The following PHLDB2 variants were observed in gnomAD, a reference collection of about 807,000 sequenced individuals.
The protein encoded by PHLDB2 is pleckstrin homology like domain family B member 2.
Under a neutral mutation model 123.6 loss-of-function variants are expected in PHLDB2, and 71 were observed. The observed-to-expected ratio is 0.57, with a 90% CI of 0.47 to 0.70. The LOEUF (loss-of-function observed/expected upper bound fraction) is 0.70. Among genes scored for constraint, PHLDB2 ranks in the 30% least tolerant of loss-of-function variants. PHLDB2 has a pLI of 0.00. For missense variants in PHLDB2, 1,446 were observed against 1,519.5 expected (o/e 0.95, Z 0.80); for synonymous variants, 547 against 541.6 (o/e 1.01, Z -0.14).
chr3:111,765,561 A>C (rs547131142), intron 1 of PHLDB2, among the ~76,000 whole-genome samples: 2 of 152,354 alleles, frequency 1.3e-5, no homozygotes, highest in African/African-American at 4.8e-5. Flanking sequence ...TAGCTGACTT[A>C]AAACGGAGAG....
intron 1 of PHLDB2, chr3:111,732,799 C>A: frequency 1.9e-6 from 2 of 1,073,550 alleles, no homozygotes; most frequent in Middle Eastern, 2.2e-4. Context: ...GGAGGGTCTG[C>A]TGGAGATATG....
intron 2 of PHLDB2, among the ~76,000 whole-genome samples, chr3:111,900,530 GAACAAGTAC>G (rs1460118123): frequency 6.6e-6 from 1 of 152,206 alleles, no homozygotes; most frequent in Non-Finnish European, 1.5e-5. Flanking sequence ...GGAGCGGTTA[GAACAAGTAC>G]AACATTTATT....
At chr3:111,927,477 C>T (rs1234764218) in intron 5 of PHLDB2, among the ~76,000 whole-genome samples, 1 of 152,166 alleles carries the variant, frequency 6.6e-6, no homozygotes, top group African/African-American at 2.4e-5. Flanking sequence ...ATGTGGCCCG[C>T]GTGCCTAGAG....
chr3:111,935,714 AG>A (rs1194632281), intron 6 of PHLDB2, among the ~76,000 whole-genome samples: 3 of 152,160 alleles, frequency 2.0e-5, no homozygotes, highest in Admixed American at 2.0e-4. Flanking sequence ...TTGGGAGGCT[AG>A]GCCAGTCTAG....
At chr3:111,878,599 G>T (rs1302733310) in intron 1 of PHLDB2, among the ~76,000 whole-genome samples, 1 of 152,208 alleles carries the variant, frequency 6.6e-6, no homozygotes, top group Admixed American at 6.5e-5. Flanking sequence ...TTGAATAGGA[G>T]TGGTGAGAGA....
At chr3:111,801,113 C>A (rs745878372) in intron 1 of PHLDB2, among the ~76,000 whole-genome samples, 18 of 152,166 alleles carry the variant, frequency 1.2e-4, no homozygotes, top group Non-Finnish European at 2.2e-4. Flanking sequence ...ACAGAGTAGA[C>A]ACTTAATAAA....
intron 1 of PHLDB2, among the ~76,000 whole-genome samples, chr3:111,840,324 A>G (rs1553226): frequency 0.98 from 149,151 of 152,154 alleles, 73,176 homozygotes; most frequent in East Asian, 1. Context: ...GATAATATAC[A>G]ATTAATCTTC....
chr3:111,775,219 G>A (rs761189343), intron 1 of PHLDB2, among the ~76,000 whole-genome samples: 47 of 152,086 alleles, frequency 3.1e-4, no homozygotes, highest in Non-Finnish European at 5.0e-4. Context: ...AAAGAGCAGA[G>A]AGATCAAAAA....
intron 2 of PHLDB2, among the ~76,000 whole-genome samples, chr3:111,900,734 G>T (rs1000021267): frequency 5.3e-5 from 8 of 152,182 alleles, no homozygotes; most frequent in Non-Finnish European, 1.5e-5. Flanking sequence ...TTGGAAAAAT[G>T]TGCTAATAGA....
chr3:111,925,964 G>T (rs1430641707), intron 5 of PHLDB2, among the ~76,000 whole-genome samples: 2 of 152,338 alleles, frequency 1.3e-5, no homozygotes, highest in East Asian at 3.9e-4. Context: ...GTTAAGAAAA[G>T]CTTCTGATTC....
chr3:111,944,432 A>G (rs143523560), intron 8 of PHLDB2, among the ~76,000 whole-genome samples: 50 of 152,250 alleles, frequency 3.3e-4, no homozygotes, highest in African/African-American at 1.1e-3. Context: ...TACAAATTAT[A>G]GCACAATAAA....
chr3:111,744,473 A>G (rs1482619711), intron 1 of PHLDB2, among the ~76,000 whole-genome samples: 1 of 152,266 alleles, frequency 6.6e-6, no homozygotes, highest in African/African-American at 2.4e-5. Flanking sequence ...AGCGCAGTGC[A>G]TAAAAAGTTT....
chr3:111,966,166 G>A (rs1297793820), intron 13 of PHLDB2, among the ~76,000 whole-genome samples: 1 of 152,074 alleles, frequency 6.6e-6, no homozygotes, highest in Non-Finnish European at 1.5e-5. Context: ...CAAACATTAG[G>A]TGTCATTTAT....
intron 2 of PHLDB2, among the ~76,000 whole-genome samples, chr3:111,897,660 G>A (rs2066952496): frequency 1.3e-5 from 2 of 152,208 alleles, no homozygotes; most frequent in Admixed American, 1.3e-4. Context: ...AGAATTAAGA[G>A]GAACAAATTT....
intron 2 of PHLDB2, among the ~76,000 whole-genome samples, chr3:111,904,220 A>G (rs1279894490): frequency 2.2e-5 from 3 of 134,422 alleles, no homozygotes; most frequent in Admixed American, 1.8e-4. Flanking sequence ...GGGGGTTGCA[A>G]TGAGCCAAGA....
chr3:111,907,770 G>C (rs1249189959), intron 2 of PHLDB2, among the ~76,000 whole-genome samples: 4 of 152,032 alleles, frequency 2.6e-5, no homozygotes, highest in Admixed American at 6.6e-5. Context: ...GGGATTACAG[G>C]TGTGAGCCAC....
chr3:111,890,684 T>G (rs1015782677), intron 2 of PHLDB2, among the ~76,000 whole-genome samples: 1 of 152,118 alleles, frequency 6.6e-6, no homozygotes, highest in African/African-American at 2.4e-5. Flanking sequence ...TGTTCAATCT[T>G]TATTTGAAAA....
intron 9 of PHLDB2, among the ~76,000 whole-genome samples, chr3:111,948,485 G>A (rs1015231292): frequency 6.6e-5 from 10 of 152,132 alleles, no homozygotes; most frequent in African/African-American, 2.4e-4. Flanking sequence ...AACAGAAACG[G>A]TGAAAATCTA....
At chr3:111,929,619 T>C (rs1212531595) in intron 5 of PHLDB2, among the ~76,000 whole-genome samples, 1 of 152,230 alleles carries the variant, frequency 6.6e-6, no homozygotes, top group Admixed American at 6.5e-5. Context: ...AAAGTTGGTC[T>C]ACTTCTGGCA....
Sources: gnomAD v4.1 joint callset for allele counts (sites outside exome capture counted in the v4.1 genomes callset) on GRCh38, gnomAD v4.1.1 for gene constraint, MANE v1.5 for transcripts, NCBI Gene and HGNC (gene_info 2026-07-23, HGNC 2026-07-21) for gene names.